XPR1: variants seen among roughly 807,000 people sequenced by gnomAD.
XPR1 encodes the protein solute carrier family 53 member 1.
Under a neutral mutation model 87.5 loss-of-function variants are expected in XPR1, and 28 were observed. That is an observed-to-expected ratio of 0.32 (90% confidence interval 0.24 to 0.44). The LOEUF (loss-of-function observed/expected upper bound fraction) is 0.44, where lower values mean the gene tolerates loss of function less well. XPR1 is among the 20% of genes least tolerant of loss of function. The pLI is 1.00. For missense variants in XPR1, 559 were observed against 862.3 expected (o/e 0.65, Z 4.41); for synonymous variants, 300 against 306.1 (o/e 0.98, Z 0.21).
At position 180,886,042 on chromosome 1, in the gene XPR1, GT is replaced by G. The variant is rs1221961448; in HGVS notation, c.*1978del. 1 of 151,852 alleles carries G rather than the reference GT, an allele frequency of 6.6e-6. No individual in the cohort carries two copies. Among genetic ancestry groups the G allele is most frequent in the Non-Finnish European group, 1.5e-5 (1 of 67,954 alleles). 9.4% of individuals were successfully genotyped at this position (151,852 alleles called of 1,614,324 possible). A position where few individuals can be genotyped will look rare whatever the true frequency, so the allele number is the denominator to read the frequency against. ...TGCTTCTATTGCTTTTTTGTGTTTT[GT>G]TAAGCATGTCCCTTGGCCCAAATGG... On this transcript the variant is annotated 3_prime_UTR_variant, in exon 15 of 15. Transcript: ENST00000367590.
intron 2 of XPR1, among the ~76,000 whole-genome samples, chr1:180,759,492 C>T (rs1304182660): frequency 1.7e-4 from 26 of 152,226 alleles, no homozygotes; most frequent in South Asian, 6.2e-4. Flanking sequence ...AACACCTCTA[C>T]GCACATAAAC....
intron 2 of XPR1, among the ~76,000 whole-genome samples, chr1:180,760,327 G>A (rs554672060): frequency 3.3e-5 from 5 of 152,092 alleles, no homozygotes; most frequent in Non-Finnish European, 2.9e-5. Flanking sequence ...TCACATTGTC[G>A]CTGTTTGCAG....
Position 180,836,651 on chromosome 1 carries a change from A to T in XPR1, c.1436A>T (p.Asn479Ile). 6.2e-7 allele frequency: 1 copy of T among 1,614,162 alleles called. No homozygotes were observed. Among genetic ancestry groups the T allele is most frequent in the Non-Finnish European group, 8.5e-7 (1 of 1,180,028 alleles). The change falls in exon 11 of 15, where the codon AAT (asparagine) becomes ATT (isoleucine). Residue 479 changes from asparagine to isoleucine, a missense_variant. Transcript: ENST00000367590. The part of the protein sequence containing the change: ...DTKRAFPHLV[N>I]AGKYSTTFFM... Reference sequence around the variant, plus strand: ...AAAAGGGCCTTTCCTCATTTAGTTAATGCTGGCAAATACTCCACAACTTTC... The same window carrying T: ...AAAAGGGCCTTTCCTCATTTAGTTATTGCTGGCAAATACTCCACAACTTTC...
intron 3 of XPR1, among the ~76,000 whole-genome samples, chr1:180,802,985 A>G (rs748498935): frequency 2.6e-5 from 4 of 152,246 alleles, no homozygotes; most frequent in Non-Finnish European, 5.9e-5. Context: ...TTATAAATGC[A>G]AGTTAGTATA....
At chr1:180,657,562 T>C (rs1050523699) in intron 1 of XPR1, among the ~76,000 whole-genome samples, 3 of 152,206 alleles carry the variant, frequency 2.0e-5, no homozygotes, top group Admixed American at 1.3e-4. Flanking sequence ...TTCTCCAATG[T>C]ATGTTCTTGG....
intron 2 of XPR1, among the ~76,000 whole-genome samples, chr1:180,761,844 C>G (rs946751276): frequency 6.6e-6 from 1 of 152,094 alleles, no homozygotes; most frequent in Non-Finnish European, 1.5e-5. Flanking sequence ...CGGCACTATT[C>G]ACAGTAGCAA....
chr1:180,644,384 G>T (rs1655045290), intron 1 of XPR1, among the ~76,000 whole-genome samples: 1 of 150,564 alleles, frequency 6.6e-6, no homozygotes, highest in Non-Finnish European at 1.5e-5. Context: ...TTTAATGTTG[G>T]CTCTCCCTCT....
In XPR1 at chr1:180,853,938, T is replaced by G. The variant is rs1204596721; in HGVS notation, c.1502-9770T>G. ...AAACAGCTATAGGAATCATTAGGCA[T>G]GCAGAAAGCAGCAACTTTTAAACAT... On this transcript the variant is annotated intron_variant, in intron 11 of 14. Coordinates refer to ENST00000367590, the MANE Select transcript of XPR1 (RefSeq NM_004736.4). Among the ~76,000 whole-genome samples, 3 of 152,112 alleles carry G rather than the reference T, an allele frequency of 2.0e-5. No individual in the cohort carries two copies. The East Asian group carries it at 5.8e-4, about 29-fold the overall frequency.
At chr1:180,867,271 A>C (rs1571906367) in intron 12 of XPR1, among the ~76,000 whole-genome samples, 1 of 89,002 alleles carries the variant, frequency 1.1e-5, no homozygotes, top group East Asian at 2.5e-4. Context: ...CGCAATAAAC[A>C]TACGTGTGCA....
intron 1 of XPR1, among the ~76,000 whole-genome samples, chr1:180,635,353 CTATA>C (rs1445832993): frequency 6.6e-6 from 1 of 152,078 alleles, no homozygotes; most frequent in Non-Finnish European, 1.5e-5. Context: ...GAATTAGTGA[CTATA>C]TATTTTAAAG....
Position 180,889,831 on chromosome 1 carries a change from A to T in XPR1, c.*5765A>T, listed in dbSNP as rs1269175934. ...CTCCCTCCACCACACTGTGTTGGTC[A>T]AATGATACTATTCTATGAAACCCTG... On this transcript the variant is annotated 3_prime_UTR_variant, in exon 15 of 15. Transcript: ENST00000367590. The T allele has an allele frequency of 9.9e-5, 15 of 152,200 alleles. No homozygotes were observed. The highest frequency in any genetic ancestry group is 9.8e-4 in the Admixed American group (15 of 15,290). 9.4% of individuals were successfully genotyped at this position (152,200 alleles called of 1,614,324 possible).
intron 7 of XPR1, among the ~76,000 whole-genome samples, chr1:180,817,297 AG>A: frequency 6.8e-6 from 1 of 146,268 alleles, no homozygotes; most frequent in South Asian, 2.3e-4. Context: ...TATTGAAGAA[AG>A]AAAAAAATTT....
rs1204015458 is a variant in XPR1 at position 180,787,755 on chromosome 1, A to G, written c.124A>G (p.Thr42Ala). 6.3e-7 allele frequency: 1 copy of G among 1,582,850 alleles called. No homozygotes were observed. The highest frequency in any genetic ancestry group is 1.9e-5 in the Admixed American group (1 of 52,932). ...AQDQAPSVEV[T>A]DEDTVKRYFA... ...AATATTGTTTTCCTGTCTTTCAGTT[A>G]CAGATGAGGACACAGTAAAGAGGTA... The change falls in exon 3 of 15, where the codon ACA becomes GCA. Residue 42 changes from threonine (T) to alanine (A), a missense_variant and splice_region_variant. Coordinates refer to ENST00000367590, the MANE Select transcript of XPR1 (RefSeq NM_004736.4).
chr1:180,808,833 G>A (rs1650096406), intron 6 of XPR1, among the ~76,000 whole-genome samples: 1 of 152,110 alleles, frequency 6.6e-6, no homozygotes, highest in Non-Finnish European at 1.5e-5. Context: ...ATGCTTTGGT[G>A]GAATATAAAA....
intron 1 of XPR1, among the ~76,000 whole-genome samples, chr1:180,659,385 T>C (rs186727537): frequency 9.9e-5 from 2 of 20,304 alleles, no homozygotes; most frequent in Admixed American, 1.1e-3. Flanking sequence ...CCTTCCGTCC[T>C]TCCTTCCTTC....
At chr1:180,728,739 CT>C (rs1178251351) in intron 2 of XPR1, among the ~76,000 whole-genome samples, 1 of 152,176 alleles carries the variant, frequency 6.6e-6, no homozygotes, top group Non-Finnish European at 1.5e-5. Flanking sequence ...AGAACAAAAC[CT>C]GGATTCGAAT....
intron 14 of XPR1, among the ~76,000 whole-genome samples, chr1:180,882,967 G>GTTTTTTTT (rs1156645233): frequency 6.6e-6 from 1 of 150,542 alleles, no homozygotes; most frequent in African/African-American, 2.5e-5. Context: ...TTGGGGGTTG[G>GTTTTTTTT]TTGTTTTTTT....
At chr1:180,652,456 A>G (rs1029169788) in intron 1 of XPR1, among the ~76,000 whole-genome samples, 3 of 152,204 alleles carry the variant, frequency 2.0e-5, no homozygotes, top group Admixed American at 2.0e-4. Context: ...TGTTAGACAA[A>G]GAAGATGAAG....
intron 1 of XPR1, among the ~76,000 whole-genome samples, chr1:180,655,308 G>A (rs1346359654): frequency 6.6e-6 from 1 of 151,512 alleles, no homozygotes; most frequent in Non-Finnish European, 1.5e-5. Context: ...ATCTATTCTG[G>A]ATATGAACCC....
Sources: allele counts gnomAD v4.1 joint callset (sites outside exome capture counted in the v4.1 genomes callset), GRCh38; gene constraint gnomAD v4.1.1; transcripts MANE v1.5; gene names NCBI Gene and HGNC (gene_info 2026-07-23, HGNC 2026-07-21).